The following HPSE2 variants were observed in gnomAD, a reference collection of about 807,000 sequenced individuals.
HPSE2 encodes the protein heparanase 2 (inactive).
HPSE2 carries 38 observed loss-of-function variants against 60.5 expected under a neutral mutation model. That is an observed-to-expected ratio of 0.63 (90% CI 0.48 to 0.82). The LOEUF (loss-of-function observed/expected upper bound fraction) is 0.82, where lower values mean the gene tolerates loss of function less well. Ranked by LOEUF, HPSE2 falls within the 40% of genes least tolerant of loss-of-function variation. HPSE2 has a pLI of 0.00. For synonymous variants in HPSE2, 295 were observed against 293.2 expected (o/e 1.01, Z -0.06); for missense variants, 713 against 740.4 (o/e 0.96, Z 0.43).
At chr10:98,708,128 C>T (rs1401285455) in intron 5 of HPSE2, among the ~76,000 whole-genome samples, 1 of 151,996 alleles carries the variant, frequency 6.6e-6, no homozygotes, top group Non-Finnish European at 1.5e-5. Context: ...TATAAGAAAT[C>T]AAAATATTAA....
At chr10:99,305,995 A>G in the HPSE2 span, among the ~76,000 whole-genome samples, 2 of 149,612 alleles carry the variant, frequency 1.3e-5, no homozygotes, top group African/African-American at 2.5e-5. Context: ...ACACACACAC[A>G]CACACACACA....
chr10:98,855,643 CCAGT>C (rs1952295720), intron 3 of HPSE2, among the ~76,000 whole-genome samples: 1 of 152,060 alleles, frequency 6.6e-6, no homozygotes, highest in African/African-American at 2.4e-5. Flanking sequence ...TTAAGGATTC[CCAGT>C]CAACCAGAAT....
At chr10:98,738,762 CCACAACAAGATA>C (rs1183423530) in intron 4 of HPSE2, among the ~76,000 whole-genome samples, 1 of 152,158 alleles carries the variant, frequency 6.6e-6, no homozygotes, top group Non-Finnish European at 1.5e-5. Context: ...CAAATCAAAA[CCACAACAAGATA>C]CTATTTCATG....
chr10:99,142,392 G>A (rs1845895164), intron 3 of HPSE2, among the ~76,000 whole-genome samples: 2 of 152,142 alleles, frequency 1.3e-5, no homozygotes, highest in South Asian at 4.1e-4. Flanking sequence ...AATTAAAATA[G>A]TTTTACCATT....
At chr10:98,667,502 T>G (rs1044837403) in intron 6 of HPSE2, among the ~76,000 whole-genome samples, 1 of 152,164 alleles carries the variant, frequency 6.6e-6, no homozygotes. Context: ...CCAATATCCC[T>G]GATGAACACA....
At chr10:98,928,851 G>T (rs1306995052) in intron 3 of HPSE2, among the ~76,000 whole-genome samples, 10 of 93,070 alleles carry the variant, frequency 1.1e-4, no homozygotes, top group Non-Finnish European at 1.7e-4. Flanking sequence ...GGTGGGGGGA[G>T]GGGGGAGGGA....
chr10:98,661,963 T>A (rs1364780509), intron 6 of HPSE2, among the ~76,000 whole-genome samples: 1 of 152,210 alleles, frequency 6.6e-6, no homozygotes, highest in Non-Finnish European at 1.5e-5. Context: ...GCAGTGGTCT[T>A]GGCTCACTGC....
At chr10:98,661,284 A>G (rs1314977596) in intron 6 of HPSE2, among the ~76,000 whole-genome samples, 1 of 152,246 alleles carries the variant, frequency 6.6e-6, no homozygotes, top group African/African-American at 2.4e-5. Flanking sequence ...AGAAGAAAAT[A>G]TAGTTTACTG....
chr10:98,528,422 G>A (rs1046834184), intron 9 of HPSE2, among the ~76,000 whole-genome samples: 4 of 152,134 alleles, frequency 2.6e-5, no homozygotes, highest in Admixed American at 6.5e-5. Flanking sequence ...TATGATGTGA[G>A]TTTTAGAGGG....
chr10:98,930,535 G>T (rs1332090328), intron 3 of HPSE2, among the ~76,000 whole-genome samples: 1 of 144,204 alleles, frequency 6.9e-6, no homozygotes, highest in Non-Finnish European at 1.5e-5. Context: ...GATATTTCTG[G>T]TTCTAAATCT....
intron 3 of HPSE2, among the ~76,000 whole-genome samples, chr10:98,756,535 T>C (rs1271553519): frequency 2.0e-5 from 3 of 151,842 alleles, no homozygotes; most frequent in African/African-American, 7.3e-5. Flanking sequence ...CCTCAGAGAC[T>C]GTTATGAACA....
intron 3 of HPSE2, among the ~76,000 whole-genome samples, chr10:98,977,731 C>T (rs1338700975): frequency 1.3e-5 from 2 of 151,868 alleles, no homozygotes; most frequent in Non-Finnish European, 2.9e-5. Context: ...TGCCTCTCTG[C>T]CTTTCCACAA....
At chr10:98,837,135 A>G (rs892744601) in intron 3 of HPSE2, among the ~76,000 whole-genome samples, 7 of 152,270 alleles carry the variant, frequency 4.6e-5, no homozygotes, top group African/African-American at 1.7e-4. Context: ...CCTAGATTGG[A>G]TTGTGATTAA....
intron 3 of HPSE2, among the ~76,000 whole-genome samples, chr10:98,840,480 T>C (rs1951883635): frequency 6.6e-6 from 1 of 152,140 alleles, no homozygotes; most frequent in African/African-American, 2.4e-5. Flanking sequence ...GCTATTTCAA[T>C]ATTGCAGAAG....
At chr10:98,529,069 C>T (rs76493001) in intron 9 of HPSE2, among the ~76,000 whole-genome samples, 5,008 of 152,312 alleles carry the variant, frequency 0.033, 152 homozygotes, top group African/African-American at 0.087. Context: ...AATGCGCGCA[C>T]GCGCGCACAC....
intron 11 of HPSE2, among the ~76,000 whole-genome samples, chr10:98,470,411 G>C (rs935090780): frequency 2.0e-5 from 3 of 152,144 alleles, no homozygotes; most frequent in African/African-American, 7.2e-5. Context: ...GTTTGGCAGT[G>C]GGTCCACAGT....
intron 3 of HPSE2, among the ~76,000 whole-genome samples, chr10:98,896,511 T>C (rs1418293462): frequency 6.6e-6 from 1 of 152,142 alleles, no homozygotes; most frequent in African/African-American, 2.4e-5. Flanking sequence ...TAAGAGAAAT[T>C]TTTAGCATTA....
chr10:99,148,476 A>T (rs773446462), intron 2 of HPSE2, among the ~76,000 whole-genome samples: 2 of 152,192 alleles, frequency 1.3e-5, no homozygotes, highest in Non-Finnish European at 2.9e-5. Flanking sequence ...CAAATATGGA[A>T]AATAATGTTG....
At chr10:99,141,567 A>C (rs1256948129) in intron 3 of HPSE2, among the ~76,000 whole-genome samples, 3 of 152,252 alleles carry the variant, frequency 2.0e-5, no homozygotes, top group African/African-American at 7.2e-5. Context: ...AAATTGTATT[A>C]GTTTTTATTA....
Sources: allele counts gnomAD v4.1 joint callset (sites outside exome capture counted in the v4.1 genomes callset), GRCh38; gene constraint gnomAD v4.1.1; transcripts MANE v1.5; gene names NCBI Gene and HGNC (gene_info 2026-07-23, HGNC 2026-07-21).